SWT1: variants seen among roughly 807,000 people sequenced by gnomAD.
SWT1 encodes SWT1 RNA endoribonuclease homolog.
In SWT1, 33 loss-of-function variants were observed where a neutral mutation model predicts 107.3. The observed-to-expected ratio is 0.31, with a 90% CI of 0.23 to 0.41. The LOEUF (loss-of-function observed/expected upper bound fraction) is 0.41, where lower values mean the gene tolerates loss of function less well. Ranked by LOEUF, SWT1 falls within the 10% of genes least tolerant of loss-of-function variation. The probability of loss-of-function intolerance (pLI) is 1.00; values close to 1 mark genes in which losing one functional copy is unlikely to be tolerated. For synonymous variants in SWT1, 345 were observed against 348.3 expected, an observed-to-expected ratio of 0.99 and a Z score of 0.11; for missense variants, 898 against 1,028.9, an observed-to-expected ratio of 0.87 and a Z score of 1.74.
intron 16 of SWT1, among the ~76,000 whole-genome samples, chr1:185,252,956 T>G (rs1662159728): frequency 7.0e-6 from 1 of 143,482 alleles, no homozygotes; most frequent in Non-Finnish European, 1.5e-5. Context: ...AATTGATTTT[T>G]GTATAAGGTG....
At chr1:185,204,300 A>T (rs542459827) in intron 11 of SWT1, among the ~76,000 whole-genome samples, 1 of 152,182 alleles carries the variant, frequency 6.6e-6, no homozygotes, top group African/African-American at 2.4e-5. Flanking sequence ...AAAGAAAAAT[A>T]TTCCATTTTT....
chr1:185,263,033 C>T (rs1043143887), intron 16 of SWT1, among the ~76,000 whole-genome samples: 2 of 152,066 alleles, frequency 1.3e-5, no homozygotes, highest in Admixed American at 6.5e-5. Context: ...GTGATTCACC[C>T]GCCTCAGCCT....
At chr1:185,169,886 T>C (rs1654902305) in intron 4 of SWT1, among the ~76,000 whole-genome samples, 1 of 151,900 alleles carries the variant, frequency 6.6e-6, no homozygotes, top group Non-Finnish European at 1.5e-5. Context: ...AGTTAATGAG[T>C]TAATGATCAT....
chr1:185,185,011 A>G (rs1656331781), intron 9 of SWT1, 80 bp downstream of exon 9: 1 of 1,012,614 alleles, frequency 9.9e-7, no homozygotes, highest in Non-Finnish European at 1.4e-6. Flanking sequence ...AATGGTGCAA[A>G]ACTTTTAAAA....
chr1:185,226,945 C>T (rs1660114121), intron 15 of SWT1: 1 of 1,014,056 alleles, frequency 9.9e-7, no homozygotes, highest in Non-Finnish European at 1.5e-6. Flanking sequence ...TTTTCATAGA[C>T]TGGATTCTTT....
At chr1:185,206,361 A>G (rs1487255938) in intron 12 of SWT1, among the ~76,000 whole-genome samples, 2 of 152,144 alleles carry the variant, frequency 1.3e-5, no homozygotes, top group Non-Finnish European at 2.9e-5. Context: ...TGATAAAACT[A>G]TGTTTCCTCT....
At chr1:185,227,224 C>G (rs1406606248) in intron 15 of SWT1, 5 of 803,708 alleles carry the variant, frequency 6.2e-6, no homozygotes, top group Non-Finnish European at 2.2e-6. Flanking sequence ...GTGCTAAAAA[C>G]TTTATTGCCA....
intron 16 of SWT1, among the ~76,000 whole-genome samples, chr1:185,233,714 T>C (rs1447423667): frequency 6.6e-6 from 1 of 152,158 alleles, no homozygotes; most frequent in East Asian, 1.9e-4. Context: ...AAGAGTGTTT[T>C]ACTTCGAATT....
chr1:185,204,769 G>A lies in SWT1; in HGVS notation c.1739G>A (p.Ser580Asn). The A allele has an allele frequency of 1.3e-6, 2 of 1,598,070 alleles. No individual in the cohort carries two copies. Among genetic ancestry groups the A allele is most frequent in the Non-Finnish European group, 1.7e-6 (2 of 1,171,794 alleles). ...TNSGLSILLE[S>N]IVSDLEKSLG... ...TCTGGACTGTCCATTCTGCTTGAGA[G>A]CATTGTATCTGATCTTGAAAAATCT... The change falls in exon 12 of 19, where the codon AGC becomes AAC. Residue 580 changes from serine (S) to asparagine (N), a missense_variant. Physicochemically the swap from Ser to Asn is conservative, Grantham distance 46. Coordinates refer to ENST00000367500, the MANE Select transcript of SWT1 (RefSeq NM_017673.7).
intron 5 of SWT1, among the ~76,000 whole-genome samples, chr1:185,178,481 T>G (rs753781524): frequency 7.2e-5 from 11 of 152,228 alleles, no homozygotes; most frequent in Non-Finnish European, 1.3e-4. Context: ...ATTATTATCT[T>G]TGTTACGATA....
At chr1:185,188,135 A>G (rs1434152288) in intron 9 of SWT1, among the ~76,000 whole-genome samples, 5 of 152,222 alleles carry the variant, frequency 3.3e-5, no homozygotes, top group Admixed American at 3.3e-4. Context: ...TAAGTGGGAA[A>G]ACAAGGATAC....
chr1:185,244,822 T>A (rs1047450034), intron 16 of SWT1, among the ~76,000 whole-genome samples: 1 of 152,232 alleles, frequency 6.6e-6, no homozygotes. Flanking sequence ...GGCCGACACC[T>A]GTAATCCCGG....
chr1:185,284,512 G>A (rs1193618971), intron 18 of SWT1, among the ~76,000 whole-genome samples: 1 of 152,232 alleles, frequency 6.6e-6, no homozygotes, highest in African/African-American at 2.4e-5. Context: ...TTGAGCCAGA[G>A]TGAAGACAGC....
chr1:185,184,966 A>G (rs747438252), intron 9 of SWT1, 35 bp downstream of exon 9: 2 of 1,370,738 alleles, frequency 1.5e-6, no homozygotes, highest in Admixed American at 2.7e-5. Flanking sequence ...CTCCTGATTA[A>G]TACTTGTTTG....
chr1:185,175,668 A>G (rs985845220), intron 5 of SWT1, among the ~76,000 whole-genome samples: 1 of 152,212 alleles, frequency 6.6e-6, no homozygotes, highest in Non-Finnish European at 1.5e-5. Context: ...TCAAGGATTC[A>G]TAATAGAAAG....
rs1171177920 is a variant in SWT1, at chr1:185,202,707, G to A, written c.1577G>A (p.Ser526Asn). The A allele has an allele frequency of 3.1e-6, 5 of 1,607,758 alleles. No individual in the cohort carries two copies. The highest frequency in any genetic ancestry group is 3.4e-6 in the Non-Finnish European group (4 of 1,176,272). ...CTAATAAGTGGTGTGAAGTCACTCA[G>A]TAAAGAAGAATTGAGTGCAGAGTTA... ...KGLISGVKSL[S>N]KEELSAELLH... Residue 526 changes from serine to asparagine, a missense_variant, in exon 11 of 19, where the codon AGT becomes AAT. This residue lies in a region of SWT1 where 382 missense variants were observed against 460.0 expected (regional missense o/e 0.83). Transcript: ENST00000367500.
chr1:185,177,046 G>C (rs1429064587), intron 5 of SWT1: 1 of 981,748 alleles, frequency 1.0e-6, no homozygotes, highest in Admixed American at 6.2e-5. Flanking sequence ...AAAAATGGAG[G>C]AATTATAACT....
intron 16 of SWT1, among the ~76,000 whole-genome samples, chr1:185,253,687 G>A (rs891025537): frequency 2.6e-4 from 40 of 152,172 alleles, no homozygotes; most frequent in African/African-American, 7.5e-4. Flanking sequence ...CGGCTGAGAC[G>A]ATGGGGTTTT....
At chr1:185,217,202 T>C (rs568250209) in intron 14 of SWT1, among the ~76,000 whole-genome samples, 1 of 152,258 alleles carries the variant, frequency 6.6e-6, no homozygotes, top group South Asian at 2.1e-4. Context: ...AAACAATTCA[T>C]TGAGTAAACG....
Sources: gnomAD v4.1 joint callset for allele counts (sites outside exome capture counted in the v4.1 genomes callset) on GRCh38, gnomAD v4.1.1 for gene constraint, gnomAD v4.1.1 regional missense constraint, MANE v1.5 for transcripts, NCBI Gene and HGNC (gene_info 2026-07-23, HGNC 2026-07-21) for gene names.